The following SLC2A13 variants were observed in gnomAD, a reference collection of about 807,000 sequenced individuals.
SLC2A13 encodes solute carrier family 2 member 13.
A neutral mutation model predicts 64.4 loss-of-function variants in SLC2A13; 32 were observed. The observed-to-expected ratio is 0.50, with a 90% CI of 0.37 to 0.67. The LOEUF (loss-of-function observed/expected upper bound fraction) is 0.67. Among genes scored for constraint, SLC2A13 ranks in the 30% least tolerant of loss-of-function variants. SLC2A13 has a pLI of 0.00. For missense variants in SLC2A13, 743 were observed against 829.2 expected (o/e 0.90, Z 1.28); for synonymous variants, 338 against 327.1 (o/e 1.03, Z -0.36).
chr12:39,985,764 C>T (rs1947019621), intron 3 of SLC2A13, among the ~76,000 whole-genome samples: 1 of 152,206 alleles, frequency 6.6e-6, no homozygotes, highest in African/African-American at 2.4e-5. Context: ...CAACAAAAAT[C>T]AAACTCCAAA....
At chr12:39,821,020 A>C (rs1390700728) in intron 7 of SLC2A13, among the ~76,000 whole-genome samples, 1 of 151,970 alleles carries the variant, frequency 6.6e-6, no homozygotes, top group Admixed American at 6.6e-5. Flanking sequence ...ACTGCTCCCC[A>C]AACTCATGAC....
chr12:39,851,168 G>C (rs1943456608), intron 6 of SLC2A13, among the ~76,000 whole-genome samples: 1 of 152,172 alleles, frequency 6.6e-6, no homozygotes, highest in Non-Finnish European at 1.5e-5. Flanking sequence ...ACAAAGTGCT[G>C]AGATTACAGG....
chr12:39,887,755 T>C (rs1296443505), intron 4 of SLC2A13, among the ~76,000 whole-genome samples: 1 of 152,212 alleles, frequency 6.6e-6, no homozygotes, highest in Non-Finnish European at 1.5e-5. Context: ...AAATTCCAGA[T>C]TTTCTTTCTC....
chr12:39,978,732 A>C (rs1030485360), intron 3 of SLC2A13, among the ~76,000 whole-genome samples: 5 of 152,230 alleles, frequency 3.3e-5, no homozygotes, highest in African/African-American at 1.2e-4. Flanking sequence ...GCAAGGCGGC[A>C]GCAAGGCTGG....
intron 1 of SLC2A13, among the ~76,000 whole-genome samples, chr12:40,091,915 C>A (rs1592077043): frequency 6.6e-6 from 1 of 152,180 alleles, no homozygotes; most frequent in Non-Finnish European, 1.5e-5. Flanking sequence ...TAACTTTTAA[C>A]AGAAAATAGT....
At chr12:40,052,635 T>G (rs1397013200) in intron 1 of SLC2A13, among the ~76,000 whole-genome samples, 1 of 152,108 alleles carries the variant, frequency 6.6e-6, no homozygotes, top group Non-Finnish European at 1.5e-5. Context: ...TCAAGAGAAA[T>G]AAGTTAAGAG....
chr12:39,976,951 T>C (rs1342416539), intron 3 of SLC2A13, among the ~76,000 whole-genome samples: 2 of 152,200 alleles, frequency 1.3e-5, no homozygotes, highest in Non-Finnish European at 2.9e-5. Context: ...CATTGCCATC[T>C]TATGCAATGC....
Position 39,920,998 on chromosome 12 carries a change from A to G in SLC2A13, c.1034+30259T>C, listed in dbSNP as rs542442762. Among the ~76,000 whole-genome samples the G allele has an allele frequency of 2.6e-5, 4 of 152,210 alleles. No individual in the cohort carries two copies. The East Asian group carries it at 7.7e-4, about 29-fold the overall frequency. On this transcript the variant is annotated intron_variant, in intron 4 of 9. Coordinates refer to ENST00000280871, the MANE Select transcript of SLC2A13 (RefSeq NM_052885.4). ...GCTGTGTGTAAAAAATTTGGCAAACAGACAAAGAGTAGTTCAAATACAGAA... is the reference window on the plus strand; with the variant it reads ...GCTGTGTGTAAAAAATTTGGCAAACGGACAAAGAGTAGTTCAAATACAGAA...
At chr12:39,841,227 A>G (rs1402605498) in intron 6 of SLC2A13, among the ~76,000 whole-genome samples, 2 of 152,148 alleles carry the variant, frequency 1.3e-5, no homozygotes, top group Non-Finnish European at 2.9e-5. Flanking sequence ...GCACTGTTAA[A>G]GGCAGCAATT....
chr12:39,965,589 T>C (rs1190208720), intron 3 of SLC2A13, among the ~76,000 whole-genome samples: 1 of 152,182 alleles, frequency 6.6e-6, no homozygotes, highest in Non-Finnish European at 1.5e-5. Context: ...AGATGTCTAC[T>C]TATATATCCA....
chr12:39,971,860 AG>A (rs905339326), intron 3 of SLC2A13, among the ~76,000 whole-genome samples: 19 of 151,274 alleles, frequency 1.3e-4, no homozygotes, highest in African/African-American at 4.6e-4. Context: ...CTGTAATCCC[AG>A]CTACTCAGGA....
Position 40,059,758 on chromosome 12 carries a change from T to C in SLC2A13, c.557-11548A>G, listed in dbSNP as rs765914936. Among the ~76,000 whole-genome samples, 3 of 152,156 alleles carry C rather than the reference T, an allele frequency of 2.0e-5. No homozygotes were observed. The South Asian group carries it at 6.2e-4, about 32-fold the overall frequency. ...AAAATGTGATCGGACAAAAAGGGTA[T>C]GACCTTACACTAACAGAATGAATGA... On this transcript the variant is annotated intron_variant, in intron 1 of 9. Transcript: ENST00000280871.
intron 1 of SLC2A13, among the ~76,000 whole-genome samples, chr12:40,079,178 C>T (rs192932292): frequency 1.9e-3 from 295 of 152,126 alleles, no homozygotes; most frequent in Non-Finnish European, 2.9e-3. Flanking sequence ...AGGGTTGGCT[C>T]CCTCTTGTAT....
rs370611683 is a variant in SLC2A13 at position 39,931,741 on chromosome 12, C to T, written c.1034+19516G>A. ...ACTTTTAAATTTAAGCCAACTAGTA[C>T]GTTAGGAATGGACTCTGCAAAGCCT... On this transcript the variant is annotated intron_variant, in intron 4 of 9. Coordinates refer to ENST00000280871, the MANE Select transcript of SLC2A13 (RefSeq NM_052885.4). 1.1e-4 allele frequency among the ~76,000 whole-genome samples: 17 copies of T among 152,010 alleles called. No homozygotes were observed. In the East Asian group the frequency reaches 1.5e-3, roughly 14 times the overall value.
chr12:40,035,325 A>G (rs1203853994), intron 2 of SLC2A13, among the ~76,000 whole-genome samples: 2 of 152,236 alleles, frequency 1.3e-5, no homozygotes, highest in African/African-American at 4.8e-5. Flanking sequence ...ATGCAAACAG[A>G]TAACACTGAA....
intron 4 of SLC2A13, among the ~76,000 whole-genome samples, chr12:39,940,223 C>T (rs145922046): frequency 6.6e-6 from 1 of 152,160 alleles, no homozygotes; most frequent in South Asian, 2.1e-4. Flanking sequence ...AGATGCTGCT[C>T]TAATACATTC....
chr12:39,837,755 G>A (rs1033798753), intron 6 of SLC2A13, among the ~76,000 whole-genome samples: 11 of 152,098 alleles, frequency 7.2e-5, no homozygotes, highest in African/African-American at 2.4e-4. Flanking sequence ...CATCATCACT[G>A]GCCATCAGAG....
At chr12:39,810,181 G>A (rs1310935802) in intron 7 of SLC2A13, among the ~76,000 whole-genome samples, 1 of 152,136 alleles carries the variant, frequency 6.6e-6, no homozygotes, top group Non-Finnish European at 1.5e-5. Flanking sequence ...ATCCACGAGT[G>A]TGATCTACTT....
At chr12:39,761,696 A>G (rs964373998) in intron 9 of SLC2A13, among the ~76,000 whole-genome samples, 1 of 152,024 alleles carries the variant, frequency 6.6e-6, no homozygotes, top group Non-Finnish European at 1.5e-5. Flanking sequence ...CTGTGGAGGT[A>G]GGAAGAGAAA....
Sources: gnomAD v4.1 joint callset for allele counts (sites outside exome capture counted in the v4.1 genomes callset) on GRCh38, gnomAD v4.1.1 for gene constraint, MANE v1.5 for transcripts, NCBI Gene and HGNC (gene_info 2026-07-23, HGNC 2026-07-21) for gene names.